SDK1: variants seen among roughly 807,000 people sequenced by gnomAD.
SDK1 encodes the protein sidekick cell adhesion molecule 1, also known as protein sidekick-1.
SDK1 carries 157 observed loss-of-function variants against 245.5 expected under a neutral mutation model. That is an observed-to-expected ratio of 0.64 (90% CI 0.56 to 0.73). SDK1 has a LOEUF of 0.73. Ranked by LOEUF, SDK1 falls within the 30% of genes least tolerant of loss-of-function variation. The pLI is 0.00. For missense variants in SDK1, 3,583 were observed against 3,002.3 expected, an observed-to-expected ratio of 1.19 and a Z score of -4.52; for synonymous variants, 1,647 against 1,278.5, an observed-to-expected ratio of 1.29 and a Z score of -6.15.
chr7:4,164,736 C>A (rs145457408), intron 32 of SDK1, among the ~76,000 whole-genome samples: 5 of 152,296 alleles, frequency 3.3e-5, no homozygotes, highest in Non-Finnish European at 7.4e-5. Flanking sequence ...GTGCAGGGCT[C>A]GAGCTCCCCT....
At chr7:3,757,815 C>A (rs891978140) in intron 4 of SDK1, among the ~76,000 whole-genome samples, 12 of 152,152 alleles carry the variant, frequency 7.9e-5, no homozygotes, top group African/African-American at 2.9e-4. Flanking sequence ...TTCAGGCCCC[C>A]TCCCCTCCCA....
At chr7:3,347,548 T>A (rs976374670) in intron 1 of SDK1, among the ~76,000 whole-genome samples, 10 of 152,200 alleles carry the variant, frequency 6.6e-5, no homozygotes, top group Admixed American at 6.5e-4. Context: ...TGTTCCTAGA[T>A]ATTTTCAACC....
chr7:4,054,200 C>T (rs1383925788), intron 19 of SDK1, among the ~76,000 whole-genome samples: 1 of 152,144 alleles, frequency 6.6e-6, no homozygotes, highest in Non-Finnish European at 1.5e-5. Context: ...CTCAGCCTCC[C>T]AAAGTGCTGG....
intron 22 of SDK1, among the ~76,000 whole-genome samples, chr7:4,103,191 T>G (rs11977052): frequency 0.073 from 11,139 of 152,178 alleles, 443 homozygotes; most frequent in African/African-American, 0.11. Context: ...TAGTGGAGAC[T>G]GGGTTTCACC....
chr7:3,377,886 C>T (rs936940966), intron 1 of SDK1, among the ~76,000 whole-genome samples: 1 of 152,148 alleles, frequency 6.6e-6, no homozygotes, highest in Non-Finnish European at 1.5e-5. Context: ...TCAAGCAATT[C>T]TCCTGCGTCA....
chr7:4,161,922 C>G, intron 32 of SDK1, 66 bp downstream of exon 32: 1 of 1,367,024 alleles, frequency 7.3e-7, no homozygotes, highest in Non-Finnish European at 1.0e-6. Context: ...CATTCAGCCA[C>G]AACGGCTGAC....
At chr7:3,730,544 C>A (rs965925458) in intron 4 of SDK1, among the ~76,000 whole-genome samples, 1 of 152,044 alleles carries the variant, frequency 6.6e-6, no homozygotes, top group Non-Finnish European at 1.5e-5. Flanking sequence ...CGGGTGCCAG[C>A]GGGAAGAGCC....
chr7:3,581,654 C>G (rs1243903667), intron 1 of SDK1, among the ~76,000 whole-genome samples: 1 of 151,998 alleles, frequency 6.6e-6, no homozygotes, highest in Non-Finnish European at 1.5e-5. Flanking sequence ...GGGTATATAC[C>G]CAAAGGAATG....
At chr7:3,397,997 G>A (rs1382641051) in intron 1 of SDK1, among the ~76,000 whole-genome samples, 1 of 152,104 alleles carries the variant, frequency 6.6e-6, no homozygotes, top group African/African-American at 2.4e-5. Context: ...TGGAAAGCCA[G>A]GCATGATGTA....
chr7:3,611,033 A>G (rs1781573287), intron 1 of SDK1, among the ~76,000 whole-genome samples: 1 of 152,354 alleles, frequency 6.6e-6, no homozygotes, highest in East Asian at 1.9e-4. Context: ...AATAAGAGAT[A>G]TATTCTTTCA....
chr7:3,980,388 C>T (rs1169768356), intron 13 of SDK1, among the ~76,000 whole-genome samples: 1 of 152,232 alleles, frequency 6.6e-6, no homozygotes, highest in Non-Finnish European at 1.5e-5. Flanking sequence ...CAAAGTGACT[C>T]AGCACTGGGC....
intron 4 of SDK1, among the ~76,000 whole-genome samples, chr7:3,654,091 C>T (rs1053747513): frequency 2.0e-5 from 3 of 152,120 alleles, no homozygotes; most frequent in Admixed American, 6.6e-5. Context: ...TTAGAGAGGA[C>T]GTGGGAGGAA....
chr7:3,353,087 C>CT (rs1202451664), intron 1 of SDK1, among the ~76,000 whole-genome samples: 1 of 152,122 alleles, frequency 6.6e-6, no homozygotes, highest in African/African-American at 2.4e-5. Context: ...CCCAATTTAG[C>CT]TTTTTTTGCA....
chr7:4,051,075 TTATA>T (rs987530142), intron 18 of SDK1, among the ~76,000 whole-genome samples: 2 of 140,832 alleles, frequency 1.4e-5, no homozygotes, highest in African/African-American at 2.6e-5. Context: ...GTTATGTATG[TTATA>T]TATAGTATAC....
At chr7:4,085,555 T>C (rs1781372746) in intron 22 of SDK1, among the ~76,000 whole-genome samples, 1 of 152,170 alleles carries the variant, frequency 6.6e-6, no homozygotes, top group South Asian at 2.1e-4. Context: ...TTTTACATTT[T>C]TTTTATTTAT....
At chr7:3,795,685 T>C (rs932514609) in intron 4 of SDK1, among the ~76,000 whole-genome samples, 1 of 152,134 alleles carries the variant, frequency 6.6e-6, no homozygotes, top group Non-Finnish European at 1.5e-5. Context: ...TCACGTTAGA[T>C]TGAGGACAGA....
intron 17 of SDK1, among the ~76,000 whole-genome samples, chr7:4,019,952 G>A (rs73673247): frequency 0.02 from 2,977 of 152,196 alleles, 95 homozygotes; most frequent in African/African-American, 0.066. Context: ...TGGATGTCTC[G>A]GACTCCCGTG....
intron 5 of SDK1, among the ~76,000 whole-genome samples, chr7:3,882,695 A>C (rs1781236196): frequency 6.6e-6 from 1 of 151,412 alleles, no homozygotes; most frequent in Admixed American, 6.6e-5. Context: ...GGACTTAGAC[A>C]CCGCTGTTGT....
At chr7:3,860,683 A>G (rs1346739222) in intron 5 of SDK1, among the ~76,000 whole-genome samples, 1 of 152,188 alleles carries the variant, frequency 6.6e-6, no homozygotes, top group Admixed American at 6.5e-5. Context: ...ATGACGTAGC[A>G]GTCATCTCCT....
Sources: gnomAD v4.1 joint callset for allele counts (sites outside exome capture counted in the v4.1 genomes callset) on GRCh38, gnomAD v4.1.1 for gene constraint, MANE v1.5 for transcripts, NCBI Gene and HGNC (gene_info 2026-07-23, HGNC 2026-07-21) for gene names.